The following AGRN variants were observed in gnomAD, a reference collection of about 807,000 sequenced individuals.
AGRN encodes agrin, also known as agrin proteoglycan.
In AGRN, 106 loss-of-function variants were observed where a neutral mutation model predicts 211.0. The observed-to-expected ratio is 0.50, with a 90% CI of 0.43 to 0.59. The LOEUF (loss-of-function observed/expected upper bound fraction) is 0.59, where lower values mean the gene tolerates loss of function less well. Among genes scored for constraint, AGRN ranks in the 20% least tolerant of loss-of-function variants. The pLI, the probability that AGRN is intolerant of heterozygous loss-of-function variation, is 0.00. For missense variants in AGRN, 3,040 were observed against 2,982.6 expected (o/e 1.02, Z -0.45); for synonymous variants, 1,525 against 1,332.5 (o/e 1.14, Z -3.15).
At chr1:1,029,320 G>A (rs1333048316) in intron 2 of AGRN, among the ~76,000 whole-genome samples, 1 of 144,156 alleles carries the variant, frequency 6.9e-6, no homozygotes, top group Non-Finnish European at 1.5e-5. Flanking sequence ...GGTGGGGGTT[G>A]AGGGACAAAA....
chr1:1,038,988 G>A (rs1644864281), intron 3 of AGRN, among the ~76,000 whole-genome samples: 5 of 152,200 alleles, frequency 3.3e-5, no homozygotes, highest in Admixed American at 2.6e-4. Context: ...GCAGCAGACG[G>A]GCCACATAGC....
Position 1,050,224 on chromosome 1 carries a change from T to C in AGRN, c.4880-9T>C. The C allele has an allele frequency of 6.2e-7, 1 of 1,612,946 alleles. No homozygotes were observed. The highest frequency in any genetic ancestry group is 1.1e-5 in the South Asian group (1 of 91,086). ...GTCAGGACTGAGGCCTTGGTGACTCTCCCTACAGCCTCGGGGCAGGACGGC... is the reference window on the plus strand; with the variant it reads ...GTCAGGACTGAGGCCTTGGTGACTCCCCCTACAGCCTCGGGGCAGGACGGC... On this transcript the variant is annotated splice_polypyrimidine_tract_variant and intron_variant, in intron 27 of 35. Transcript: ENST00000379370.
chr1:1,048,714 C>A lies in AGRN; in HGVS notation c.4106-153C>A. 1 of 936,434 alleles carries A rather than the reference C, an allele frequency of 1.1e-6. No individual in the cohort carries two copies. The highest frequency in any genetic ancestry group is 1.8e-5 in the African/African-American group (1 of 56,910). The allele number at this position is 936,434 out of a possible 1,614,324, so 58.0% of individuals were successfully genotyped here. On this transcript the variant is annotated intron_variant, in intron 23 of 35. Coordinates refer to ENST00000379370, the MANE Select transcript of AGRN (RefSeq NM_198576.4). This position sits in a 1 kb window ranked among gnomAD's most constrained non-coding sequence, Gnocchi z 5.9. Reference sequence around the variant, plus strand: ...CCTGGCAGGCGGAGGTTGCGGTGAGCCAGGATCGCGCCACTGCACTCCAGC... The same window carrying A: ...CCTGGCAGGCGGAGGTTGCGGTGAGACAGGATCGCGCCACTGCACTCCAGC...
rs753896035 is a variant in AGRN at position 1,049,004 on chromosome 1, G to A, written c.4243G>A (p.Ala1415Thr). 2.5e-6 allele frequency: 4 copies of A among 1,580,650 alleles called. No homozygotes were observed. Among genetic ancestry groups the A allele is most frequent in the South Asian group, 2.3e-5 (2 of 86,530 alleles). Residue 1415 changes from alanine to threonine, a missense_variant, in exon 24 of 36, where the codon GCC (alanine) becomes ACC (threonine). Physicochemically the swap from Ala to Thr is moderately conservative, Grantham distance 58 (BLOSUM62 0). Coordinates refer to ENST00000379370, the MANE Select transcript of AGRN (RefSeq NM_198576.4). ...PQGLLLYNGNARGKDFLALAL... is the reference protein window; with the variant it reads ...PQGLLLYNGNTRGKDFLALAL... ...GGGGCTGCTGCTGTACAATGGCAACGCCCGGGGCAAGGACTTCCTGGCATT... is the reference window on the plus strand; with the variant it reads ...GGGGCTGCTGCTGTACAATGGCAACACCCGGGGCAAGGACTTCCTGGCATT...
At chr1:1,040,999 G>C in intron 4 of AGRN, 119 bp downstream of exon 4, 1 of 331,056 alleles carries the variant, frequency 3.0e-6, no homozygotes, top group East Asian at 6.7e-5. Context: ...CGGCGGGGAG[G>C]AGCGGGGCTG....
intron 2 of AGRN, among the ~76,000 whole-genome samples, chr1:1,027,952 G>C (rs1027626489): frequency 6.6e-6 from 1 of 152,206 alleles, no homozygotes; most frequent in Non-Finnish European, 1.5e-5. Context: ...ACAAACACCG[G>C]CCCACGGCCG....
chr1:1,041,501 G>A lies in AGRN; in HGVS notation c.976G>A (p.Asp326Asn), dbSNP rs781180196. The A allele has an allele frequency of 1.9e-6, 3 of 1,597,794 alleles. No homozygotes were observed. In the South Asian group the frequency reaches 3.3e-5, roughly 18 times the overall value. The change falls in exon 6 of 36, where the codon GAC becomes AAC. Residue 326 changes from aspartate to asparagine, a missense_variant. Asp to Asn is a conservative substitution (Grantham distance 23). Transcript: ENST00000379370. The part of the protein sequence containing the change: ...PCDPCQGALP[D>N]PSRSCRVNPR... ...AGACCCCTGTCAGGGCGCCCTCCCT[G>A]ACCCGAGCCGCAGCTGCCGTGTGAA...
Position 1,022,358 on chromosome 1 carries a change from C to G in AGRN, c.359C>G (p.Ala120Gly). 1 of 1,613,368 alleles carries G rather than the reference C, an allele frequency of 6.2e-7. No homozygotes were observed. Among genetic ancestry groups the G allele is most frequent in the Non-Finnish European group, 8.5e-7 (1 of 1,180,002 alleles). ...GDTRIFFVNP[A>G]PPYLWPAHKN... Reference sequence around the variant, plus strand: ...ACCAGGATCTTCTTTGTGAACCCTGCACCCCCATACCTGTGGCCAGCCCAC... The same window carrying G: ...ACCAGGATCTTCTTTGTGAACCCTGGACCCCCATACCTGTGGCCAGCCCAC... Residue 120 changes from alanine (A) to glycine (G), a missense_variant, in exon 2 of 36, where the codon GCA (alanine) becomes GGA (glycine). Physicochemically the swap from Ala to Gly is moderately conservative, Grantham distance 60 (BLOSUM62 0). Around this residue, in one of 3 missense-constraint regions of AGRN, gnomAD observed 1,498 missense variants for 1,457.8 expected, o/e 1.03. Transcript: ENST00000379370.
At position 1,047,412 on chromosome 1, in the gene AGRN, G is replaced by A; in HGVS notation, c.3474G>A (p.Lys1158=). Reference sequence around the variant, plus strand: ...ACACGCCCGAGATGGCTGACCCCAAGTCAGAACTGTTCGGGGAGACAGCCA... The same window carrying A: ...ACACGCCCGAGATGGCTGACCCCAAATCAGAACTGTTCGGGGAGACAGCCA... The part of the protein sequence containing the change: ...LFYTPEMADP[K]SELFGETARS... Residue 1158 remains lysine, a synonymous_variant, in exon 20 of 36, where the codon AAG becomes AAA. Transcript: ENST00000379370. The A allele has an allele frequency of 6.2e-7, 1 of 1,612,826 alleles. No individual in the cohort carries two copies. Among genetic ancestry groups the A allele is most frequent in the Non-Finnish European group, 8.5e-7 (1 of 1,179,908 alleles).
chr1:1,046,726 G>A lies in AGRN; in HGVS notation c.3241G>A (p.Gly1081Ser). Residue 1081 changes from glycine (G) to serine (S), a missense_variant, in exon 18 of 36, where the codon GGC (glycine) becomes AGC (serine). By Grantham distance (56) the Gly-to-Ser change is moderately conservative (BLOSUM62 0). This residue lies in a region of AGRN where 1,537 missense variants were observed against 1,505.0 expected (regional missense o/e 1.02). Coordinates refer to ENST00000379370, the MANE Select transcript of AGRN (RefSeq NM_198576.4). ...CGGGGACCAGGAGGCCAGTGGGGGT[G>A]GCTCTGGGGGTGAGCAGGGATCAAG... is the stretch of plus-strand genomic sequence containing the variant. ...LSGDQEASGG[G>S]SGGLEPLEGS... 6.3e-7 allele frequency: 1 copy of A among 1,579,350 alleles called. No homozygotes were observed. Among genetic ancestry groups the A allele is most frequent in the Non-Finnish European group, 8.6e-7 (1 of 1,168,342 alleles).
chr1:1,024,469 A>G (rs1265823399), intron 2 of AGRN, among the ~76,000 whole-genome samples: 1 of 151,660 alleles, frequency 6.6e-6, no homozygotes, highest in South Asian at 2.1e-4. Flanking sequence ...CTCCGACCCC[A>G]CCTCCCAGGG....
chr1:1,053,486 C>T (rs1315364700), intron 33 of AGRN: 2 of 1,511,788 alleles, frequency 1.3e-6, no homozygotes, highest in African/African-American at 1.4e-5. Context: ...TTCCGGGGCC[C>T]TTCACAGGTG....
In AGRN at chr1:1,047,834, C is replaced by T. The variant is rs1171980441; in HGVS notation, c.3690C>T (p.Ser1230=). The T allele has an allele frequency of 1.2e-6, 2 of 1,604,616 alleles. No individual in the cohort carries two copies. The highest frequency in any genetic ancestry group is 1.7e-6 in the Non-Finnish European group (2 of 1,176,292). Reference sequence around the variant, plus strand: ...CCCTGCTCCGGCAGATCCAGGTGTCCAGGCGCCGGTCCTTGGGGGTGAGGC... The same window carrying T: ...CCCTGCTCCGGCAGATCCAGGTGTCTAGGCGCCGGTCCTTGGGGGTGAGGC... ...ARALLRQIQV[S]RRRSLGVRRP... The change falls in exon 22 of 36, where the codon TCC becomes TCT. Residue 1230 remains serine (S), a synonymous_variant. Coordinates refer to ENST00000379370, the MANE Select transcript of AGRN (RefSeq NM_198576.4).
Position 1,047,027 on chromosome 1 carries a change from T to C in AGRN, c.3388+70T>C. On this transcript the variant is annotated intron_variant, in intron 19 of 35. Coordinates refer to ENST00000379370, the MANE Select transcript of AGRN (RefSeq NM_198576.4). Reference sequence around the variant, plus strand: ...TCGGCCGAGGTGCTGCCCCCTCGCCTGGGCAGCAGGTCAGTGCCGGGGGTT... The same window carrying C: ...TCGGCCGAGGTGCTGCCCCCTCGCCCGGGCAGCAGGTCAGTGCCGGGGGTT... 4 of 1,544,220 alleles carry C rather than the reference T, an allele frequency of 2.6e-6. No homozygotes were observed. In the South Asian group the frequency reaches 4.8e-5, roughly 18 times the overall value.
chr1:1,049,121 A>AG (rs1237715488), intron 24 of AGRN, 62 bp downstream of exon 24: 12,372 of 258,926 alleles, frequency 0.048, 399 homozygotes, highest in African/African-American at 0.26. Context: ...CGGGCGGGGG[A>AG]GGGGGGGCCG....
rs1316890507 is a variant in AGRN, at chr1:1,020,339, A to G, written c.167A>G (p.Asn56Ser). ...VLTGTVEEIL[N>S]VDPVQHTYSC... ...ACCGGGACGGTGGAGGAGATCCTCA[A>G]CGTGGACCCGGTGCAGCACACGTAC... Residue 56 changes from asparagine (N) to serine (S), a missense_variant, in exon 1 of 36, where the codon AAC (asparagine) becomes AGC (serine). Coordinates refer to ENST00000379370, the MANE Select transcript of AGRN (RefSeq NM_198576.4). 1.3e-6 allele frequency: 2 copies of G among 1,494,506 alleles called. No homozygotes were observed. The highest frequency in any genetic ancestry group is 1.3e-5 in the South Asian group (1 of 79,394). The allele number at this position is 1,494,506 out of a possible 1,614,324, so 92.6% of individuals were successfully genotyped here.
At chr1:1,027,093 C>T (rs757568784) in intron 2 of AGRN, among the ~76,000 whole-genome samples, 2 of 152,308 alleles carry the variant, frequency 1.3e-5, no homozygotes, top group Middle Eastern at 3.4e-3. Context: ...GGGCAGCTCA[C>T]AGCAGGACCT....
At chr1:1,026,205 T>A (rs1644518170) in intron 2 of AGRN, among the ~76,000 whole-genome samples, 2 of 152,062 alleles carry the variant, frequency 1.3e-5, no homozygotes, top group Admixed American at 6.5e-5. Flanking sequence ...GGAAGGTTGT[T>A]TTGGAACTGG....
intron 2 of AGRN, among the ~76,000 whole-genome samples, chr1:1,029,629 A>ATGTGTG (rs1413976423): frequency 4.5e-5 from 4 of 87,958 alleles, no homozygotes; most frequent in African/African-American, 2.1e-4. Flanking sequence ...TGAGATCAGC[A>ATGTGTG]TGTGTGTGTG....
Sources: allele counts gnomAD v4.1 joint callset (sites outside exome capture counted in the v4.1 genomes callset), GRCh38; gene constraint gnomAD v4.1.1; regional missense constraint gnomAD v4.1.1; non-coding constraint Gnocchi (gnomAD v3.1); transcripts MANE v1.5; gene names NCBI Gene and HGNC (gene_info 2026-07-23, HGNC 2026-07-21).